The following PYHIN1 variants were observed in gnomAD, a reference collection of about 807,000 sequenced individuals.
PYHIN1 encodes the protein pyrin and HIN domain-containing protein 1.
In PYHIN1, 32 loss-of-function variants were observed where a neutral mutation model predicts 43.7. The observed-to-expected ratio is 0.73, with a 90% confidence interval of 0.55 to 0.98. The LOEUF is 0.98. PYHIN1 is among the 50% of genes least tolerant of loss of function. PYHIN1 has a pLI of 0.00. For synonymous variants in PYHIN1, 205 were observed against 203.1 expected (o/e 1.01, Z -0.08); for missense variants, 588 against 589.5 (o/e 1.00, Z 0.03).
intron 4 of PYHIN1, 141 bp from the exon 5 acceptor site, chr1:158,941,836 C>G (rs1648932281): frequency 1.5e-6 from 1 of 675,798 alleles, no homozygotes; most frequent in Non-Finnish European, 2.4e-6. Context: ...AGAATATCCT[C>G]TCCTTCCCTG....
Position 158,933,007 on chromosome 1 carries a change from T to C in PYHIN1, c.-21+1231T>C, listed in dbSNP as rs1034496164. Among the ~76,000 whole-genome samples the C allele has an allele frequency of 2.0e-5, 3 of 152,008 alleles. No homozygotes were observed. The highest frequency in any genetic ancestry group is 2.9e-5 in the Non-Finnish European group (2 of 67,966). ...AGGATTTATATATGTTAGATAAATA[T>C]TGCTATCAATTATGTTGCTCAAATT... On this transcript the variant is annotated intron_variant, in intron 1 of 8. Coordinates refer to ENST00000368140, the MANE Select transcript of PYHIN1 (RefSeq NM_152501.5). The surrounding 1 kb of genome is among the most constrained non-coding windows in gnomAD (Gnocchi z 6.3).
At chr1:158,955,206 C>T (rs953902589) in intron 7 of PYHIN1, among the ~76,000 whole-genome samples, 1 of 152,020 alleles carries the variant, frequency 6.6e-6, no homozygotes, top group Admixed American at 6.6e-5. Context: ...GACAGAAAGT[C>T]AACAAGGATA....
At chr1:158,971,198 C>T (rs1650912417) in intron 7 of PYHIN1, among the ~76,000 whole-genome samples, 1 of 151,932 alleles carries the variant, frequency 6.6e-6, no homozygotes, top group African/African-American at 2.4e-5. Context: ...ACTGATCTTT[C>T]AGCACTTTCC....
At chr1:158,978,168 A>C (rs1300004830), downstream of PYHIN1, among the ~76,000 whole-genome samples, 1 of 152,082 alleles carries the variant, frequency 6.6e-6, no homozygotes, top group Non-Finnish European at 1.5e-5. Flanking sequence ...TATCAGACAT[A>C]AAGGTAAGAA....
rs1648261463 is a variant in PYHIN1, at chr1:158,933,049, T to C, written c.-21+1273T>C. ...GCTCAAATTTGTAAAAATGTTTTTT[T>C]ACCTTGTTCATTTAGTATTGGAAGA... On this transcript the variant is annotated intron_variant, in intron 1 of 8. Coordinates refer to ENST00000368140, the MANE Select transcript of PYHIN1 (RefSeq NM_152501.5). This position sits in a 1 kb window ranked among gnomAD's most constrained non-coding sequence, Gnocchi z 6.3. Among the ~76,000 whole-genome samples the C allele has an allele frequency of 6.6e-6, 1 of 151,924 alleles. No individual in the cohort carries two copies. The highest frequency in any genetic ancestry group is 1.5e-5 in the Non-Finnish European group (1 of 67,916).
downstream of PYHIN1, among the ~76,000 whole-genome samples, chr1:158,981,535 T>C (rs529097093): frequency 6.6e-6 from 1 of 152,308 alleles, no homozygotes; most frequent in South Asian, 2.1e-4. Flanking sequence ...TATCTTTTAG[T>C]AGAACAATTT....
chr1:158,956,216 C>A (rs1423093872), intron 7 of PYHIN1, among the ~76,000 whole-genome samples: 1 of 149,234 alleles, frequency 6.7e-6, no homozygotes, highest in East Asian at 2.0e-4. Context: ...CTATTCCAAT[C>A]AATAGAAAAA....
At chr1:158,981,560 A>T (rs960453731), downstream of PYHIN1, among the ~76,000 whole-genome samples, 1 of 152,208 alleles carries the variant, frequency 6.6e-6, no homozygotes, top group African/African-American at 2.4e-5. Context: ...TCCTTTGGGT[A>T]TATACCAGTA....
chr1:158,972,900 G>C (rs1370130535), intron 7 of PYHIN1, among the ~76,000 whole-genome samples: 1 of 152,014 alleles, frequency 6.6e-6, no homozygotes, highest in Non-Finnish European at 1.5e-5. Context: ...AAGTAATTGA[G>C]ATTATATATG....
chr1:158,959,145 A>G (rs1475911460), intron 7 of PYHIN1, among the ~76,000 whole-genome samples: 2 of 151,350 alleles, frequency 1.3e-5, no homozygotes, highest in African/African-American at 4.9e-5. Flanking sequence ...CACACAGGGC[A>G]CCAGCTGCAG....
intron 5 of PYHIN1, among the ~76,000 whole-genome samples, chr1:158,942,716 AACAT>A (rs1648993120): frequency 6.6e-6 from 1 of 152,228 alleles, no homozygotes; most frequent in Non-Finnish European, 1.5e-5. Flanking sequence ...GATCCATACA[AACAT>A]AATACTAAAC....
intron 5 of PYHIN1, 144 bp downstream of exon 5, chr1:158,942,543 C>A (rs1648985312): frequency 3.2e-6 from 2 of 634,664 alleles, no homozygotes; most frequent in Non-Finnish European, 5.2e-6. Context: ...ATAAAGTCTT[C>A]TTCGAGGTTA....
the PYHIN1 span, among the ~76,000 whole-genome samples, chr1:158,985,416 G>T: frequency 2.1e-3 from 327 of 152,238 alleles, no homozygotes; most frequent in Non-Finnish European, 3.9e-3. Flanking sequence ...TACAAAGCTT[G>T]GTTCGGCTGG....
At chr1:158,983,982 A>G in the PYHIN1 span, among the ~76,000 whole-genome samples, 1 of 144,748 alleles carries the variant, frequency 6.9e-6, no homozygotes, top group Admixed American at 6.9e-5. Context: ...TTCCATGGTA[A>G]TGTCCCCTTT....
At chr1:158,988,518 T>C in the PYHIN1 span, among the ~76,000 whole-genome samples, 1 of 152,092 alleles carries the variant, frequency 6.6e-6, no homozygotes, top group African/African-American at 2.4e-5. Context: ...GCTAGAAATA[T>C]AAATGTTAAA....
intron 7 of PYHIN1, among the ~76,000 whole-genome samples, chr1:158,953,888 A>G (rs1418779871): frequency 6.8e-6 from 1 of 146,080 alleles, no homozygotes; most frequent in Non-Finnish European, 1.5e-5. Flanking sequence ...AGAATAACCA[A>G]TACAGAGAAG....
At chr1:158,988,303 A>G in the PYHIN1 span, among the ~76,000 whole-genome samples, 1 of 152,210 alleles carries the variant, frequency 6.6e-6, no homozygotes, top group Non-Finnish European at 1.5e-5. Flanking sequence ...TGGAAGAATG[A>G]GGTATATAAT....
intron 8 of PYHIN1, among the ~76,000 whole-genome samples, chr1:158,974,995 G>T (rs1280219102): frequency 1.3e-5 from 2 of 151,930 alleles, no homozygotes; most frequent in Non-Finnish European, 2.9e-5. Flanking sequence ...TTTTAAATAC[G>T]CATTATGGTC....
At chr1:158,987,107 C>T in the PYHIN1 span, among the ~76,000 whole-genome samples, 3 of 152,154 alleles carry the variant, frequency 2.0e-5, no homozygotes, top group Admixed American at 6.5e-5. Context: ...ACTAGACATC[C>T]TAACAGTTGT....
Sources: gnomAD v4.1 joint callset for allele counts (sites outside exome capture counted in the v4.1 genomes callset) on GRCh38, gnomAD v4.1.1 for gene constraint, Gnocchi (gnomAD v3.1) non-coding constraint, MANE v1.5 for transcripts, NCBI Gene and HGNC (gene_info 2026-07-23, HGNC 2026-07-21) for gene names.